The following OR10J1 variants were observed in gnomAD, a reference collection of about 807,000 sequenced individuals.
OR10J1 encodes the protein olfactory receptor 10J1.
For synonymous variants in OR10J1, 202 were observed against 143.8 expected, an observed-to-expected ratio of 1.40 and a Z score of -2.89; for missense variants, 474 against 376.6, an observed-to-expected ratio of 1.26 and a Z score of -2.14.
chr1:159,409,895 T>G, the OR10J1 span, among the ~76,000 whole-genome samples: 1 of 151,920 alleles, frequency 6.6e-6, no homozygotes, highest in East Asian at 1.9e-4. Context: ...TTATTGAGAG[T>G]TTTTAGCATG....
chr1:159,421,905 G>A, the OR10J1 span, among the ~76,000 whole-genome samples: 1 of 152,134 alleles, frequency 6.6e-6, no homozygotes, highest in Non-Finnish European at 1.5e-5. Context: ...GCAGTGGCAG[G>A]GAGGGTGGGC....
the OR10J1 span, among the ~76,000 whole-genome samples, chr1:159,429,053 G>A: frequency 6.6e-6 from 1 of 152,166 alleles, no homozygotes; most frequent in South Asian, 2.1e-4. Context: ...TAAAAGGAAA[G>A]CAAGGTTGGG....
chr1:159,420,347 A>G, the OR10J1 span, among the ~76,000 whole-genome samples: 1 of 152,068 alleles, frequency 6.6e-6, no homozygotes, highest in African/African-American at 2.4e-5. Context: ...ATGAGGGCAT[A>G]TTCCTGTAAT....
chr1:159,403,358 G>A, the OR10J1 span, among the ~76,000 whole-genome samples: 23 of 151,982 alleles, frequency 1.5e-4, no homozygotes, highest in African/African-American at 4.1e-4. Flanking sequence ...ATTCTCAAAC[G>A]ATCCACGTGA....
At chr1:159,420,610 A>C in the OR10J1 span, among the ~76,000 whole-genome samples, 5 of 152,044 alleles carry the variant, frequency 3.3e-5, no homozygotes, top group African/African-American at 9.7e-5. Context: ...AAAGGTGATA[A>C]ATTTGCTTAT....
chr1:159,397,514 G>A, the OR10J1 span, among the ~76,000 whole-genome samples: 25,409 of 151,946 alleles, frequency 0.17, 2,213 homozygotes, highest in African/African-American at 0.18. Flanking sequence ...CCAGAGGGGA[G>A]CCCACTACCC....
At chr1:159,426,039 G>T in the OR10J1 span, among the ~76,000 whole-genome samples, 2 of 151,896 alleles carry the variant, frequency 1.3e-5, no homozygotes, top group African/African-American at 4.8e-5. Flanking sequence ...AAGGATGAAT[G>T]CTGGAGAAAT....
chr1:159,429,544 G>A, the OR10J1 span, among the ~76,000 whole-genome samples: 2 of 152,138 alleles, frequency 1.3e-5, no homozygotes, highest in East Asian at 1.9e-4. Flanking sequence ...TCATTCCTGT[G>A]GGAAAAACCA....
rs2101711847 is a variant in OR10J1 at position 159,440,728 on chromosome 1, A to G, written c.*7A>G. The G allele has an allele frequency of 6.2e-7, 1 of 1,605,266 alleles. No homozygotes were observed. Among genetic ancestry groups the G allele is most frequent in the South Asian group, 1.1e-5 (1 of 90,222 alleles). Reference sequence around the variant, plus strand: ...TGGTGGGAAGTTTTCCTGACCATGTAGGAAGAGTTCTCCTGAGGCTGTCAA... The same window carrying G: ...TGGTGGGAAGTTTTCCTGACCATGTGGGAAGAGTTCTCCTGAGGCTGTCAA... On this transcript the variant is annotated 3_prime_UTR_variant, in exon 1 of 1. Coordinates refer to ENST00000423932, the MANE Select transcript of OR10J1 (RefSeq NM_012351.3).
At chr1:159,427,265 C>G in the OR10J1 span, among the ~76,000 whole-genome samples, 1 of 150,906 alleles carries the variant, frequency 6.6e-6, no homozygotes, top group Non-Finnish European at 1.5e-5. Context: ...CAAAAAGTTT[C>G]CAAAAGAGTA....
the OR10J1 span, among the ~76,000 whole-genome samples, chr1:159,428,561 T>C: frequency 6.6e-6 from 1 of 152,204 alleles, no homozygotes; most frequent in South Asian, 2.1e-4. Flanking sequence ...AAGGTCTCGA[T>C]AAGACTTGCT....
the OR10J1 span, among the ~76,000 whole-genome samples, chr1:159,408,544 A>G: frequency 6.6e-6 from 1 of 151,768 alleles, no homozygotes; most frequent in Non-Finnish European, 1.5e-5. Context: ...GCAGCGCACC[A>G]GCATGGCACA....
chr1:159,401,307 T>C, the OR10J1 span, among the ~76,000 whole-genome samples: 1 of 151,688 alleles, frequency 6.6e-6, no homozygotes, highest in Non-Finnish European at 1.5e-5. Flanking sequence ...ATCAATGTAA[T>C]AAAAGTTGGG....
the OR10J1 span, among the ~76,000 whole-genome samples, chr1:159,426,991 CAG>C: frequency 1.3e-5 from 2 of 151,794 alleles, no homozygotes; most frequent in Non-Finnish European, 3.0e-5. Context: ...AATTGAAGCA[CAG>C]AGAGACTGAG....
In OR10J1 at chr1:159,440,812, C is replaced by T; in HGVS notation, c.*91C>T. On this transcript the variant is annotated 3_prime_UTR_variant, in exon 1 of 1. Coordinates refer to ENST00000423932, the MANE Select transcript of OR10J1 (RefSeq NM_012351.3). ...TCACAAACACTTGGCTCCTAGAGAC[C>T]TGCCCCTTAAATAAGAGGCAAAAGA... is the stretch of plus-strand genomic sequence containing the variant. 7.2e-7 allele frequency: 1 copy of T among 1,379,864 alleles called. No individual in the cohort carries two copies. Among genetic ancestry groups the T allele is most frequent in the Admixed American group, 2.2e-5 (1 of 44,796 alleles). 85.5% of individuals were successfully genotyped at this position (1,379,864 alleles called of 1,614,324 possible).
chr1:159,421,999 C>T, the OR10J1 span, among the ~76,000 whole-genome samples: 3 of 152,080 alleles, frequency 2.0e-5, no homozygotes, highest in African/African-American at 7.2e-5. Flanking sequence ...CCCAAGCAGT[C>T]CACGGTGATG....
the OR10J1 span, among the ~76,000 whole-genome samples, chr1:159,416,807 T>C: frequency 6.6e-6 from 1 of 152,056 alleles, no homozygotes; most frequent in East Asian, 1.9e-4. Flanking sequence ...ATTCAAGTCT[T>C]GGTAGGTGAT....
At chr1:159,408,030 A>G in the OR10J1 span, among the ~76,000 whole-genome samples, 1 of 152,066 alleles carries the variant, frequency 6.6e-6, no homozygotes, top group African/African-American at 2.4e-5. Flanking sequence ...GGGTCAAAGA[A>G]TACTATAAAG....
At chr1:159,431,106 G>A in the OR10J1 span, among the ~76,000 whole-genome samples, 1 of 152,160 alleles carries the variant, frequency 6.6e-6, no homozygotes, top group African/African-American at 2.4e-5. Context: ...ACACGGAACG[G>A]GGAGACTCGG....
Sources: gnomAD v4.1 joint callset for allele counts (sites outside exome capture counted in the v4.1 genomes callset) on GRCh38, gnomAD v4.1.1 for gene constraint, MANE v1.5 for transcripts, NCBI Gene and HGNC (gene_info 2026-07-23, HGNC 2026-07-21) for gene names.